The following FAM181A variants were observed in gnomAD, a reference collection of about 807,000 sequenced individuals.
The protein encoded by FAM181A is protein FAM181A.
FAM181A carries 7 observed loss-of-function variants against 16.3 expected under a neutral mutation model. The ratio of observed to expected loss-of-function variants is 0.43; its 90% confidence interval spans 0.24 to 0.81. The LOEUF is 0.81. Among genes scored for constraint, FAM181A ranks in the 30% least tolerant of loss-of-function variants. The pLI is 0.24. For synonymous variants in FAM181A, 183 were observed against 164.9 expected (o/e 1.11, Z -0.84); for missense variants, 349 against 377.5 (o/e 0.92, Z 0.63).
At chr14:93,924,346 C>T (rs1189459569), upstream of FAM181A, among the ~76,000 whole-genome samples, 1 of 152,068 alleles carries the variant, frequency 6.6e-6, no homozygotes, top group Non-Finnish European at 1.5e-5. Context: ...TGAGTTGGGC[C>T]CAAGAATCAG....
rs996701394 is a variant in FAM181A at position 93,928,818 on chromosome 14, G to C, written c.533G>C (p.Gly178Ala). The change falls in exon 2 of 2, where the codon GGA becomes GCA. Residue 178 changes from glycine to alanine, a missense_variant. Coordinates refer to ENST00000556222, the MANE Select transcript of FAM181A (RefSeq NM_001207073.2). ...AATTGCAAGGGCTTGGAGCCCCTGGGACCTGAGACTACCCTGGTGTCCATG... is the reference window on the plus strand; with the variant it reads ...AATTGCAAGGGCTTGGAGCCCCTGGCACCTGAGACTACCCTGGTGTCCATG... Reference protein sequence around the residue: ...KKNCKGLEPLGPETTLVSMSP... With the variant: ...KKNCKGLEPLAPETTLVSMSP... 1 of 1,613,892 alleles carries C rather than the reference G, an allele frequency of 6.2e-7. No homozygotes were observed. Among genetic ancestry groups the C allele is most frequent in the Non-Finnish European group, 8.5e-7 (1 of 1,179,940 alleles).
Position 93,928,807 on chromosome 14 carries a change from G to A in FAM181A, c.522G>A (p.Leu174=). ...AGGGTAAGAAAAATTGCAAGGGCTT[G>A]GAGCCCCTGGGACCTGAGACTACCC... ...PYEGKKNCKG[L]EPLGPETTLV... Residue 174 remains leucine (L), a synonymous_variant, in exon 2 of 2, where the codon TTG becomes TTA. Coordinates refer to ENST00000556222, the MANE Select transcript of FAM181A (RefSeq NM_001207073.2). 1 of 1,613,980 alleles carries A rather than the reference G, an allele frequency of 6.2e-7. No homozygotes were observed. Among genetic ancestry groups the A allele is most frequent in the Non-Finnish European group, 8.5e-7 (1 of 1,179,920 alleles).
chr14:93,925,351 G>C, upstream of FAM181A: 3 of 1,613,340 alleles, frequency 1.9e-6, no homozygotes, highest in Non-Finnish European at 2.5e-6. Flanking sequence ...GGGGAGAAAA[G>C]GGCGAGCACA....
At chr14:93,925,219 C>T (rs748563370), upstream of FAM181A, 1,084 of 1,554,646 alleles carry the variant, frequency 7.0e-4, 2 homozygotes, top group Non-Finnish European at 9.0e-4. Context: ...CTGCAGGTGC[C>T]GTGGGATCTC....
chr14:93,919,425 GCCTCAGTGT>G (rs1168997457), intron 1 of FAM181A, among the ~76,000 whole-genome samples: 1 of 152,178 alleles, frequency 6.6e-6, no homozygotes, highest in African/African-American at 2.4e-5. Context: ...GTCAACCTGT[GCCTCAGTGT>G]CCTCATTTGT....
chr14:93,921,518 C>T (rs1265477811), intron 1 of FAM181A, among the ~76,000 whole-genome samples: 1 of 152,244 alleles, frequency 6.6e-6, no homozygotes, highest in Non-Finnish European at 1.5e-5. Flanking sequence ...GAAGCACGTC[C>T]ACTCTGATTA....
upstream of FAM181A, among the ~76,000 whole-genome samples, chr14:93,926,062 C>T (rs796196511): frequency 1.4e-4 from 22 of 152,028 alleles, 1 homozygote; most frequent in African/African-American, 4.6e-4. This position sits in a 1 kb window ranked among gnomAD's most constrained non-coding sequence, Gnocchi z 5.2. Context: ...TGTGGGTTGG[C>T]GCACAGGCCA....
At position 93,928,990 on chromosome 14, in the gene FAM181A, T is replaced by C. The variant is rs1446150193; in HGVS notation, c.705T>C (p.Pro235=). 1.2e-6 allele frequency: 2 copies of C among 1,612,524 alleles called. No homozygotes were observed. The highest frequency in any genetic ancestry group is 1.7e-6 in the Non-Finnish European group (2 of 1,179,190). The change falls in exon 2 of 2, where the codon CCT becomes CCC. Residue 235 remains proline, a synonymous_variant. Transcript: ENST00000556222. ...PGPLGALPQS[P]VPSLGLWRKS... ...CCCTGGGGGCACTGCCTCAGAGTCC[T>C]GTCCCCAGCCTGGGCCTTTGGAGGA...
chr14:93,924,902 C>T (rs1230328648), upstream of FAM181A: 4 of 254,652 alleles, frequency 1.6e-5, no homozygotes, highest in Non-Finnish European at 3.0e-5. Context: ...GGAGCTGCCC[C>T]GAGGGTCAGG....
upstream of FAM181A, chr14:93,923,811 A>G (rs1162235593): frequency 6.6e-6 from 1 of 152,268 alleles, no homozygotes; most frequent in Admixed American, 6.5e-5. Context: ...TGGGCGATGC[A>G]GTCGGAAAGA....
At chr14:93,919,163 A>G (rs1387668790) in intron 1 of FAM181A, among the ~76,000 whole-genome samples, 1 of 152,146 alleles carries the variant, frequency 6.6e-6, no homozygotes, top group Non-Finnish European at 1.5e-5. Flanking sequence ...AGCCCAGGGG[A>G]GAGGCAAAGG....
chr14:93,923,221 C>T (rs373821176), upstream of FAM181A, among the ~76,000 whole-genome samples: 3 of 152,166 alleles, frequency 2.0e-5, no homozygotes, highest in South Asian at 2.1e-4. Context: ...GTGATCCATC[C>T]GTGTCGGCCT....
In FAM181A at chr14:93,928,752, G is replaced by C. The variant is rs1211671570; in HGVS notation, c.467G>C (p.Gly156Ala). 3.1e-6 allele frequency: 5 copies of C among 1,613,852 alleles called. No individual in the cohort carries two copies. Among genetic ancestry groups the C allele is most frequent in the East Asian group, 2.2e-5 (1 of 44,888 alleles). ...THSYHVGLEG[G>A]LGPREGPPYE... is the part of the protein sequence containing the mutation. ...AGCTACCATGTGGGGCTGGAGGGGG[G>C]ACTGGGCCCCAGGGAGGGACCTCCC... The change falls in exon 2 of 2, where the codon GGA (glycine) becomes GCA (alanine). Residue 156 changes from glycine (G) to alanine (A), a missense_variant. Gly to Ala is a moderately conservative substitution (Grantham distance 60). Coordinates refer to ENST00000556222, the MANE Select transcript of FAM181A (RefSeq NM_001207073.2).
chr14:93,926,187 T>G (rs1014468091), upstream of FAM181A: 6 of 152,484 alleles, frequency 3.9e-5, no homozygotes, highest in African/African-American at 1.4e-4. The surrounding 1 kb of genome is among the most constrained non-coding windows in gnomAD (Gnocchi z 5.2). Flanking sequence ...AGAAAAATGA[T>G]GAGGCGTGAA....
At chr14:93,927,616 C>A (rs1312404694) in intron 1 of FAM181A, 162 bp downstream of exon 1, 13 of 1,286,506 alleles carry the variant, frequency 1.0e-5, no homozygotes, top group Non-Finnish European at 1.3e-5. Flanking sequence ...AGCCTGAGAT[C>A]AGCCCGCAAG....
At chr14:93,925,276 C>T, upstream of FAM181A, 1 of 1,613,474 alleles carries the variant, frequency 6.2e-7, no homozygotes, top group South Asian at 1.1e-5. Context: ...GTCTTGATGC[C>T]CTTAGAAGAG....
At chr14:93,924,241 G>A (rs1156391616), upstream of FAM181A, among the ~76,000 whole-genome samples, 1 of 152,190 alleles carries the variant, frequency 6.6e-6, no homozygotes, top group Non-Finnish European at 1.5e-5. Flanking sequence ...ATGGGAGAGG[G>A]CGTTATTAAC....
rs1000946424 is a variant in FAM181A at position 93,928,781 on chromosome 14, G to A, written c.496G>A (p.Glu166Lys). The A allele has an allele frequency of 2.5e-6, 4 of 1,613,876 alleles. No homozygotes were observed. Among genetic ancestry groups the A allele is most frequent in the East Asian group, 4.5e-5 (2 of 44,892 alleles). ...GGGCCCCAGGGAGGGACCTCCCTATGAGGGTAAGAAAAATTGCAAGGGCTT... is the reference window on the plus strand; with the variant it reads ...GGGCCCCAGGGAGGGACCTCCCTATAAGGGTAAGAAAAATTGCAAGGGCTT... Reference protein sequence around the residue: ...GLGPREGPPYEGKKNCKGLEP... With the variant: ...GLGPREGPPYKGKKNCKGLEP... Residue 166 changes from glutamate (E) to lysine (K), a missense_variant, in exon 2 of 2, where the codon GAG becomes AAG. By Grantham distance (56) the Glu-to-Lys change is moderately conservative. Coordinates refer to ENST00000556222, the MANE Select transcript of FAM181A (RefSeq NM_001207073.2).
intron 1 of FAM181A, 97 bp downstream of exon 1, chr14:93,927,551 CGAG>C: frequency 7.8e-7 from 1 of 1,284,626 alleles, no homozygotes; most frequent in Non-Finnish European, 1.0e-6. Flanking sequence ...GGGTGGCGGC[CGAG>C]GAGGCATGAA....
Sources: gnomAD v4.1 joint callset for allele counts (sites outside exome capture counted in the v4.1 genomes callset) on GRCh38, gnomAD v4.1.1 for gene constraint, Gnocchi (gnomAD v3.1) non-coding constraint, MANE v1.5 for transcripts, NCBI Gene and HGNC (gene_info 2026-07-23, HGNC 2026-07-21) for gene names.